The following SLC39A10 variants were observed in gnomAD, a reference collection of about 807,000 sequenced individuals.
SLC39A10 encodes the protein zinc transporter ZIP10.
Under a neutral mutation model 65.1 loss-of-function variants are expected in SLC39A10, and 13 were observed. The observed-to-expected ratio is 0.20, with a 90% CI of 0.13 to 0.32. SLC39A10 has a LOEUF of 0.32. SLC39A10 is among the 10% of genes least tolerant of loss of function. The probability of loss-of-function intolerance (pLI) is 1.00; values close to 1 mark genes in which losing one functional copy is unlikely to be tolerated. For synonymous variants in SLC39A10, 321 were observed against 342.2 expected (o/e 0.94, Z 0.68); for missense variants, 831 against 1,018.4 (o/e 0.82, Z 2.50).
intron 1 of SLC39A10, among the ~76,000 whole-genome samples, chr2:195,671,121 A>G (rs1432444854): frequency 6.6e-6 from 1 of 152,182 alleles, no homozygotes; most frequent in Non-Finnish European, 1.5e-5. Flanking sequence ...TTCACTACAT[A>G]TTTAGTTCTG....
intron 6 of SLC39A10, among the ~76,000 whole-genome samples, chr2:195,714,178 A>G (rs1691704250): frequency 6.6e-6 from 1 of 151,958 alleles, no homozygotes. Context: ...TGATCTGCCC[A>G]CCTCGGCCTC....
chr2:195,624,858 G>A (rs1475167727), intron 2 of SLC39A10, among the ~76,000 whole-genome samples: 1 of 136,078 alleles, frequency 7.3e-6, no homozygotes, highest in African/African-American at 2.8e-5. Flanking sequence ...CTGCACTCCA[G>A]CCTGGGCGAA....
chr2:195,729,961 ATTTTTTT>A (rs58936616), intron 9 of SLC39A10, among the ~76,000 whole-genome samples: 5 of 92,138 alleles, frequency 5.4e-5, no homozygotes, highest in Non-Finnish European at 6.0e-5. Context: ...ACCATGCCTA[ATTTTTTT>A]TTTTTTTTTT....
chr2:195,705,944 T>C (rs1691383481), intron 3 of SLC39A10, among the ~76,000 whole-genome samples: 1 of 152,182 alleles, frequency 6.6e-6, no homozygotes, highest in African/African-American at 2.4e-5. Context: ...TCTCTTGTGT[T>C]CTGAGCCAGT....
At chr2:195,619,131 G>T (rs947478515) in intron 2 of SLC39A10, among the ~76,000 whole-genome samples, 1 of 145,356 alleles carries the variant, frequency 6.9e-6, no homozygotes, top group Non-Finnish European at 1.5e-5. Context: ...AGAGAGAAAG[G>T]AAAGAATAAT....
At chr2:195,697,940 T>A (rs549916056) in intron 3 of SLC39A10, among the ~76,000 whole-genome samples, 1 of 152,168 alleles carries the variant, frequency 6.6e-6, no homozygotes, top group Non-Finnish European at 1.5e-5. Context: ...CTTGGTTAAG[T>A]TAATTGCTAA....
chr2:195,615,968 TTA>T (rs1444288067), intron 2 of SLC39A10, among the ~76,000 whole-genome samples: 1 of 152,206 alleles, frequency 6.6e-6, no homozygotes, highest in Middle Eastern at 3.2e-3. Context: ...TCACCTCTTT[TTA>T]TGTTTCCTAG....
At position 195,735,541 on chromosome 2, in the gene SLC39A10, A is replaced by G. The variant is rs1249614067; in HGVS notation, c.*500A>G. Reference sequence around the variant, plus strand: ...ACACAACTTTGAAACTGCATAAAGTAGACATAGGAACTAGAGGAAAGCTCA... The same window carrying G: ...ACACAACTTTGAAACTGCATAAAGTGGACATAGGAACTAGAGGAAAGCTCA... On this transcript the variant is annotated 3_prime_UTR_variant, in exon 10 of 10. Transcript: ENST00000359634. 3 of 152,688 alleles carry G rather than the reference A, an allele frequency of 2.0e-5. No homozygotes were observed. The highest frequency in any genetic ancestry group is 7.2e-5 in the African/African-American group (3 of 41,466). 9.5% of individuals were successfully genotyped at this position (152,688 alleles called of 1,614,324 possible).
At chr2:195,635,038 G>A (rs1363227420) in intron 2 of SLC39A10, among the ~76,000 whole-genome samples, 3 of 152,078 alleles carry the variant, frequency 2.0e-5, no homozygotes, top group Non-Finnish European at 2.9e-5. Flanking sequence ...AATAGAGCAA[G>A]ACTTTGTCTC....
In SLC39A10 at chr2:195,639,347, G is replaced by A. The variant is rs1688756791; in HGVS notation, c.-12+33114G>A. On this transcript the variant is annotated intron_variant, in intron 2 of 2. Transcript: ENST00000458054. ...GACTGGGGTTAAGAGTTTTGAGGAG[G>A]AAGACCACAGGGGTAAACTGCCATT... Among the ~76,000 whole-genome samples, 3 of 152,146 alleles carry A rather than the reference G, an allele frequency of 2.0e-5. No homozygotes were observed. The South Asian group carries it at 6.2e-4, about 32-fold the overall frequency.
intron 3 of SLC39A10, among the ~76,000 whole-genome samples, chr2:195,704,393 T>C (rs1691315632): frequency 6.6e-6 from 1 of 152,232 alleles, no homozygotes; most frequent in Non-Finnish European, 1.5e-5. Flanking sequence ...CCAACTCACT[T>C]TGTCCCATGT....
At chr2:195,701,785 G>C (rs751136682) in intron 3 of SLC39A10, among the ~76,000 whole-genome samples, 3 of 151,926 alleles carry the variant, frequency 2.0e-5, no homozygotes, top group Non-Finnish European at 4.4e-5. Flanking sequence ...GGGCTCAGGT[G>C]ATCCTCCCGC....
intron 2 of SLC39A10, among the ~76,000 whole-genome samples, chr2:195,642,067 T>C (rs1688821802): frequency 6.6e-6 from 1 of 152,122 alleles, no homozygotes; most frequent in South Asian, 2.1e-4. Flanking sequence ...AGGGCAGATA[T>C]TGTTTGTCAG....
intron 1 of SLC39A10, chr2:195,674,521 C>G: frequency 7.6e-6 from 7 of 923,122 alleles, no homozygotes; most frequent in Non-Finnish European, 9.1e-6. Flanking sequence ...AGGTGATCCA[C>G]CCGCCTCGGC....
Position 195,728,193 on chromosome 2 carries a change from T to C in SLC39A10, c.2181T>C (p.Thr727=). The change falls in exon 9 of 10, where the codon ACT becomes ACC. Residue 727 remains threonine, a synonymous_variant. Transcript: ENST00000359634. The surrounding 1 kb of genome is among the most constrained non-coding windows in gnomAD (Gnocchi z 4.4). ...DFAVLLKAGM[T]VKQAIVYNLL... is the part of the protein sequence containing the mutation. ...CAGTTCTTCTTAAAGCAGGCATGAC[T>C]GTAAAGCAAGCAATTGTATACAACC... The C allele has an allele frequency of 2.5e-6, 4 of 1,613,870 alleles. No individual in the cohort carries two copies. The highest frequency in any genetic ancestry group is 3.4e-6 in the Non-Finnish European group (4 of 1,179,804).
intron 1 of SLC39A10, chr2:195,674,693 G>A (rs577016282): frequency 3.1e-6 from 3 of 966,118 alleles, no homozygotes; most frequent in South Asian, 4.8e-5. Context: ...ATGTTCTGAG[G>A]TGCAGGCTTA....
chr2:195,696,795 T>C (rs2105795946), intron 3 of SLC39A10, among the ~76,000 whole-genome samples: 1 of 152,016 alleles, frequency 6.6e-6, no homozygotes, highest in East Asian at 1.9e-4. Context: ...GAAAAGAAAA[T>C]ATATTAAGAA....
In SLC39A10 at chr2:195,679,836, T is replaced by G. The variant is rs553378500; in HGVS notation, c.-11-196T>G. ...AACTAACTTATTCTTAAAGATTCTT[T>G]AAGGCATGCTGCATAATTAATTCTA... On this transcript the variant is annotated intron_variant, in intron 1 of 9. Coordinates refer to ENST00000359634, the MANE Select transcript of SLC39A10 (RefSeq NM_020342.3). Among the ~76,000 whole-genome samples, 6 of 152,340 alleles carry G rather than the reference T, an allele frequency of 3.9e-5. No homozygotes were observed. In the South Asian group the frequency reaches 1.2e-3, roughly 32 times the overall value.
chr2:195,637,166 T>C (rs1198504434), intron 2 of SLC39A10, among the ~76,000 whole-genome samples: 1 of 152,222 alleles, frequency 6.6e-6, no homozygotes, highest in African/African-American at 2.4e-5. Context: ...TGGAAAATGT[T>C]GAGAAAAGAT....
Sources: allele counts gnomAD v4.1 joint callset (sites outside exome capture counted in the v4.1 genomes callset), GRCh38; gene constraint gnomAD v4.1.1; non-coding constraint Gnocchi (gnomAD v3.1); transcripts MANE v1.5; gene names NCBI Gene and HGNC (gene_info 2026-07-23, HGNC 2026-07-21).